The following NALCN variants were observed in gnomAD, a reference collection of about 807,000 sequenced individuals.
The protein encoded by NALCN is sodium leak channel NALCN.
Under a neutral mutation model 225.3 loss-of-function variants are expected in NALCN, and 111 were observed. That is an observed-to-expected ratio of 0.49 (90% confidence interval 0.42 to 0.58). The LOEUF is 0.58. Among genes scored for constraint, NALCN ranks in the 20% least tolerant of loss-of-function variants. The pLI, the probability that NALCN is intolerant of heterozygous loss-of-function variation, is 0.00. For synonymous variants in NALCN, 764 were observed against 769.0 expected (o/e 0.99, Z 0.11); for missense variants, 1,378 against 2,202.4 (o/e 0.63, Z 7.49).
chr13:101,281,880 T>C (rs2043179807), intron 10 of NALCN, among the ~76,000 whole-genome samples: 1 of 152,096 alleles, frequency 6.6e-6, no homozygotes, highest in Non-Finnish European at 1.5e-5. Flanking sequence ...AGAAGACATA[T>C]GAATGGCCAA....
At chr13:101,149,217 CGGGA>C (rs1227265571) in intron 15 of NALCN, among the ~76,000 whole-genome samples, 1 of 151,186 alleles carries the variant, frequency 6.6e-6, no homozygotes, top group Non-Finnish European at 1.5e-5. Flanking sequence ...GGCGTGAACC[CGGGA>C]GGTGGAGCTT....
chr13:101,312,551 G>A (rs2044386095), intron 7 of NALCN, among the ~76,000 whole-genome samples: 1 of 151,780 alleles, frequency 6.6e-6, no homozygotes, highest in Non-Finnish European at 1.5e-5. Flanking sequence ...AGAGATTCTG[G>A]TATGTTGTGT....
intron 1 of NALCN, among the ~76,000 whole-genome samples, chr13:101,400,578 T>TGC (rs879318419): frequency 0.031 from 3,568 of 114,914 alleles, 73 homozygotes; most frequent in Middle Eastern, 0.045. Context: ...TGTGTGTGTG[T>TGC]GTGCACGTGT....
chr13:101,194,616 A>G (rs529202984), intron 13 of NALCN, among the ~76,000 whole-genome samples: 1 of 152,298 alleles, frequency 6.6e-6, no homozygotes, highest in South Asian at 2.1e-4. Context: ...GGTTTGATGC[A>G]TTGGGGATTG....
At chr13:101,233,581 C>G (rs1181422816) in intron 12 of NALCN, among the ~76,000 whole-genome samples, 1 of 152,056 alleles carries the variant, frequency 6.6e-6, no homozygotes, top group East Asian at 1.9e-4. Flanking sequence ...ACCTCGTGAT[C>G]CACCCGCCTC....
At chr13:101,060,018 GC>G in intron 41 of NALCN, 51 bp from the exon 42 acceptor site, 1 of 1,594,430 alleles carries the variant, frequency 6.3e-7, no homozygotes. Flanking sequence ...CATCCTGCCT[GC>G]CCCACCGCCA....
intron 7 of NALCN, among the ~76,000 whole-genome samples, chr13:101,322,975 A>T (rs1217016969): frequency 6.6e-6 from 1 of 152,132 alleles, no homozygotes; most frequent in Non-Finnish European, 1.5e-5. Context: ...GGCCTCCCAA[A>T]GTGCTGGGAT....
chr13:101,127,073 G>T (rs563660988), intron 17 of NALCN, among the ~76,000 whole-genome samples: 59 of 152,344 alleles, frequency 3.9e-4, no homozygotes, highest in African/African-American at 1.4e-3. Flanking sequence ...TTCAGTGGAA[G>T]ATGAGAGTCT....
At chr13:101,261,591 T>C (rs1308033311) in intron 10 of NALCN, among the ~76,000 whole-genome samples, 2 of 152,224 alleles carry the variant, frequency 1.3e-5, no homozygotes, top group Non-Finnish European at 2.9e-5. Flanking sequence ...CAAGGAATTT[T>C]ATTTTATTTG....
At chr13:101,169,750 G>A (rs1307581238) in intron 15 of NALCN, among the ~76,000 whole-genome samples, 6 of 152,186 alleles carry the variant, frequency 3.9e-5, no homozygotes, top group African/African-American at 1.4e-4. Flanking sequence ...GAATTGTGTG[G>A]ACTTGGGTGA....
intron 7 of NALCN, among the ~76,000 whole-genome samples, chr13:101,315,373 G>A (rs1274358344): frequency 6.6e-6 from 1 of 152,092 alleles, no homozygotes; most frequent in Admixed American, 6.6e-5. Context: ...ATGTATGTAT[G>A]CATGCATGTA....
At chr13:101,315,021 C>T (rs1469424344) in intron 7 of NALCN, among the ~76,000 whole-genome samples, 5 of 152,176 alleles carry the variant, frequency 3.3e-5, no homozygotes, top group African/African-American at 7.2e-5. Context: ...AAAGGGTTAA[C>T]GATGGAGAGA....
intron 13 of NALCN, among the ~76,000 whole-genome samples, chr13:101,224,911 T>C (rs2041081114): frequency 6.6e-6 from 1 of 152,120 alleles, no homozygotes. Context: ...AATCACACTA[T>C]CATTGTTAAA....
At chr13:101,391,123 T>A (rs1008804441) in intron 3 of NALCN, among the ~76,000 whole-genome samples, 2 of 151,738 alleles carry the variant, frequency 1.3e-5, no homozygotes, top group African/African-American at 2.4e-5. Flanking sequence ...TGATTCTTTT[T>A]AAAAAAAATC....
At chr13:101,407,576 A>C (rs1275341174) in intron 1 of NALCN, among the ~76,000 whole-genome samples, 2 of 152,210 alleles carry the variant, frequency 1.3e-5, no homozygotes, top group Non-Finnish European at 2.9e-5. Context: ...TTGAAAGCTT[A>C]CTCCATGCCA....
At chr13:101,165,466 T>C (rs2038393534) in intron 15 of NALCN, among the ~76,000 whole-genome samples, 1 of 152,176 alleles carries the variant, frequency 6.6e-6, no homozygotes, top group Admixed American at 6.5e-5. Context: ...ATCTTGATCA[T>C]TTTTGTCGTT....
intron 6 of NALCN, among the ~76,000 whole-genome samples, chr13:101,372,081 C>T (rs1181256073): frequency 6.6e-6 from 1 of 152,034 alleles, no homozygotes; most frequent in African/African-American, 2.4e-5. Context: ...CCATCATATA[C>T]CCTGGCATCC....
intron 11 of NALCN, among the ~76,000 whole-genome samples, chr13:101,253,801 G>T (rs1170047429): frequency 6.6e-6 from 1 of 152,120 alleles, no homozygotes; most frequent in Non-Finnish European, 1.5e-5. Context: ...TTTCAGAGTT[G>T]AGTAGTTGAG....
At chr13:101,150,478 C>T (rs960924963) in intron 15 of NALCN, among the ~76,000 whole-genome samples, 1 of 152,090 alleles carries the variant, frequency 6.6e-6, no homozygotes, top group African/African-American at 2.4e-5. Flanking sequence ...ACGTCTTTCC[C>T]AACCCATGAT....
Sources: gnomAD v4.1 joint callset for allele counts (sites outside exome capture counted in the v4.1 genomes callset) on GRCh38, gnomAD v4.1.1 for gene constraint, MANE v1.5 for transcripts, NCBI Gene and HGNC (gene_info 2026-07-23, HGNC 2026-07-21) for gene names.